BOD1L1: variants seen among roughly 807,000 people sequenced by gnomAD.
BOD1L1 encodes biorientation of chromosomes in cell division 1 like 1.
Under a neutral mutation model 240.7 loss-of-function variants are expected in BOD1L1, and 86 were observed. The ratio of observed to expected loss-of-function variants is 0.36; its 90% CI spans 0.30 to 0.43. The LOEUF is 0.43. Ranked by LOEUF, BOD1L1 falls within the 20% of genes least tolerant of loss-of-function variation. The pLI is 1.00. For synonymous variants in BOD1L1, 1,268 were observed against 1,272.3 expected, an observed-to-expected ratio of 1.00 and a Z score of 0.07; for missense variants, 3,554 against 3,643.5, an observed-to-expected ratio of 0.98 and a Z score of 0.63.
At chr4:13,615,780 C>A (rs1025905547) in intron 2 of BOD1L1, among the ~76,000 whole-genome samples, 7 of 152,140 alleles carry the variant, frequency 4.6e-5, no homozygotes, top group African/African-American at 7.2e-5. Context: ...GAACTAGACA[C>A]AGTACACTGC....
Position 13,601,995 on chromosome 4 carries a change from T to C in BOD1L1, c.4905A>G (p.Ala1635=), listed in dbSNP as rs771517364. 2.5e-6 allele frequency: 4 copies of C among 1,613,932 alleles called. No homozygotes were observed. The highest frequency in any genetic ancestry group is 3.4e-6 in the Non-Finnish European group (4 of 1,179,908). ...DRAADLLAVH[A]VKIEANVNSV... ...TATTTACATTGGCTTCGATTTTAAC[T>C]GCATGCACAGCCAGTAGGTCTGCTG... Residue 1635 remains alanine, a synonymous_variant, in exon 10 of 26, where the codon GCA becomes GCG. Coordinates refer to ENST00000040738, the MANE Select transcript of BOD1L1 (RefSeq NM_148894.3).
In BOD1L1 at chr4:13,599,001, A is replaced by C; in HGVS notation, c.7899T>G (p.Pro2633=). Residue 2633 remains proline, a synonymous_variant, in exon 10 of 26, where the codon CCT becomes CCG. Coordinates refer to ENST00000040738, the MANE Select transcript of BOD1L1 (RefSeq NM_148894.3). ...GDDNSTRKSF[P]EEGDIMVTVS... is the part of the protein sequence containing the mutation. ...CAGTAACCATTATGTCTCCTTCCTC[A>C]GGGAATGATTTCCTTGTGCTGTTAT... 1.2e-6 allele frequency: 2 copies of C among 1,613,730 alleles called. No homozygotes were observed. Among genetic ancestry groups the C allele is most frequent in the South Asian group, 2.2e-5 (2 of 91,070 alleles).
At chr4:13,619,080 TC>T (rs1170813851) in intron 2 of BOD1L1, among the ~76,000 whole-genome samples, 1 of 152,026 alleles carries the variant, frequency 6.6e-6, no homozygotes, top group Non-Finnish European at 1.5e-5. Flanking sequence ...CCCAGCACTT[TC>T]AGAAGCCAAG....
Position 13,599,705 on chromosome 4 carries a change from C to T in BOD1L1, c.7195G>A (p.Val2399Met), listed in dbSNP as rs148409239. ...CCCTCCTCGGTGCTCACTGCCAACACGGGACCCGGTTCTTTGCCTCCCCTG... is the reference window on the plus strand; with the variant it reads ...CCCTCCTCGGTGCTCACTGCCAACATGGGACCCGGTTCTTTGCCTCCCCTG... ...PVRGGKEPGP[V>M]LAVSTEEGHN... Residue 2399 changes from valine (V) to methionine (M), a missense_variant, in exon 10 of 26, where the codon GTG becomes ATG. Val to Met is a conservative substitution (Grantham distance 21, BLOSUM62 1). Transcript: ENST00000040738. 259 of 1,613,774 alleles carry T rather than the reference C, an allele frequency of 1.6e-4. 1 individual carries two copies. In the African/African-American group the frequency reaches 1.7e-3, roughly 10 times the overall value.
At position 13,627,453 on chromosome 4, in the gene BOD1L1, A is replaced by G. The variant is rs757197156; in HGVS notation, c.135T>C (p.Gly45=). The G allele has an allele frequency of 8.4e-7, 1 of 1,192,650 alleles. No individual in the cohort carries two copies. The highest frequency in any genetic ancestry group is 1.0e-6 in the Non-Finnish European group (1 of 953,106). The allele number at this position is 1,192,650 out of a possible 1,614,324, so 73.9% of individuals were successfully genotyped here. A position where few individuals can be genotyped will look rare whatever the true frequency, so the allele number is the denominator to read the frequency against. Residue 45 remains glycine (G), a synonymous_variant, in exon 1 of 26, where the codon GGT becomes GGC. Transcript: ENST00000040738. ...CGAGCTGCGGGTCCCCGGCGCCCGCACCCGCGCCGCCCGCCCCGCCCGCGC... is the reference window on the plus strand; with the variant it reads ...CGAGCTGCGGGTCCCCGGCGCCCGCGCCCGCGCCGCCCGCCCCGCCCGCGC... ...GPGAGGAGGA[G]AGAGDPQLVA... is the part of the protein sequence containing the mutation.
chr4:13,611,660 A>C (rs1233435048), intron 5 of BOD1L1, among the ~76,000 whole-genome samples: 5 of 152,248 alleles, frequency 3.3e-5, no homozygotes, highest in African/African-American at 7.2e-5. Flanking sequence ...CACTGGAGCT[A>C]TCTCTCAGCC....
intron 13 of BOD1L1, 32 bp downstream of exon 13, chr4:13,591,890 AC>A (rs755602579): frequency 6.7e-7 from 1 of 1,500,098 alleles, no homozygotes; most frequent in South Asian, 1.3e-5. Flanking sequence ...AAACCCAATA[AC>A]CACAAAAATC....
Position 13,604,470 on chromosome 4 carries a change from A to T in BOD1L1, c.2430T>A (p.Ser810=). Reference sequence around the variant, plus strand: ...TCTCATCTGTTTTTATAATATATTCAGAAACTGGCTTTCCATCTTTGCCTA... The same window carrying T: ...TCTCATCTGTTTTTATAATATATTCTGAAACTGGCTTTCCATCTTTGCCTA... ...SVLGKDGKPV[S]EYIIKTDENV... The change falls in exon 10 of 26, where the codon TCT becomes TCA. Residue 810 remains serine, a synonymous_variant. Coordinates refer to ENST00000040738, the MANE Select transcript of BOD1L1 (RefSeq NM_148894.3). The T allele has an allele frequency of 6.5e-7, 1 of 1,540,392 alleles. No homozygotes were observed. Among genetic ancestry groups the T allele is most frequent in the East Asian group, 2.3e-5 (1 of 43,576 alleles).
intron 17 of BOD1L1, among the ~76,000 whole-genome samples, chr4:13,583,828 A>G (rs1354868471): frequency 6.6e-6 from 1 of 152,196 alleles, no homozygotes; most frequent in African/African-American, 2.4e-5. Context: ...AATTCAATTA[A>G]AACAAGGTAA....
chr4:13,601,605 A>G lies in BOD1L1; in HGVS notation c.5295T>C (p.Asn1765=), dbSNP rs781694874. ...TGGCACTTGTTCCTGGTGGTGCATC[A>G]TTATCTCCCAGGACAACACCTGCAC... ...VTGAGVVLGD[N]DAPPGTSASQ... The change falls in exon 10 of 26, where the codon AAT becomes AAC. Residue 1765 remains asparagine, a synonymous_variant. Coordinates refer to ENST00000040738, the MANE Select transcript of BOD1L1 (RefSeq NM_148894.3). 14 of 1,613,778 alleles carry G rather than the reference A, an allele frequency of 8.7e-6. No individual in the cohort carries two copies. Among genetic ancestry groups the G allele is most frequent in the South Asian group, 7.7e-5 (7 of 91,078 alleles).
chr4:13,599,524 G>C lies in BOD1L1; in HGVS notation c.7376C>G (p.Ala2459Gly), dbSNP rs1714918540. The part of the protein sequence containing the change: ...QKESTLHLIN[A>G]EEKNVLLNSL... ...GTTCAACAATACATTCTTCTCTTCT[G>C]CATTTATGAGGTGTAAAGTGCTCTC... The change falls in exon 10 of 26, where the codon GCA becomes GGA. Residue 2459 changes from alanine to glycine, a missense_variant. Around this residue, in one of 2 missense-constraint regions of BOD1L1, gnomAD observed 3,393 missense variants for 3,427.1 expected, o/e 0.99. Coordinates refer to ENST00000040738, the MANE Select transcript of BOD1L1 (RefSeq NM_148894.3). The C allele has an allele frequency of 6.2e-7, 1 of 1,614,004 alleles. No homozygotes were observed. The highest frequency in any genetic ancestry group is 1.1e-5 in the South Asian group (1 of 91,082).
At chr4:13,586,499 C>T (rs750376059) in intron 16 of BOD1L1, 24 bp from the exon 17 acceptor site, 3 of 1,474,532 alleles carry the variant, frequency 2.0e-6, no homozygotes, top group South Asian at 1.2e-5. Context: ...TAGACAGAAT[C>T]ACAAAGGAAC....
At position 13,599,183 on chromosome 4, in the gene BOD1L1, C is replaced by T; in HGVS notation, c.7717G>A (p.Gly2573Ser). 1 of 1,613,952 alleles carries T rather than the reference C, an allele frequency of 6.2e-7. No individual in the cohort carries two copies. Among genetic ancestry groups the T allele is most frequent in the South Asian group, 1.1e-5 (1 of 91,072 alleles). The change falls in exon 10 of 26, where the codon GGC becomes AGC. Residue 2573 changes from glycine to serine, a missense_variant. This residue lies in a region of BOD1L1 where 3,393 missense variants were observed against 3,427.1 expected (regional missense o/e 0.99). Coordinates refer to ENST00000040738, the MANE Select transcript of BOD1L1 (RefSeq NM_148894.3). ...LKTSTTKCITGQESKIAPSHT... is the reference protein window; with the variant it reads ...LKTSTTKCITSQESKIAPSHT... The stretch of plus-strand genomic sequence containing the variant: ...GAAGGAGCAATTTTTGATTCTTGGC[C>T]AGTAATACATTTGGTGGTACTGGTT...
At position 13,600,548 on chromosome 4, in the gene BOD1L1, G is replaced by A; in HGVS notation, c.6352C>T (p.Pro2118Ser). The A allele has an allele frequency of 6.2e-7, 1 of 1,613,104 alleles. No individual in the cohort carries two copies. Reference protein sequence around the residue: ...TRVTTEEFEAPMPSAVSGDDS... With the variant: ...TRVTTEEFEASMPSAVSGDDS... ...TCTCCTGAGACTGCACTGGGCATGGGGGCCTCAAATTCTTCTGTGGTTACT... is the reference window on the plus strand; with the variant it reads ...TCTCCTGAGACTGCACTGGGCATGGAGGCCTCAAATTCTTCTGTGGTTACT... Residue 2118 changes from proline (P) to serine (S), a missense_variant, in exon 10 of 26, where the codon CCC becomes TCC. By Grantham distance (74) the Pro-to-Ser change is moderately conservative. Around this residue, in one of 2 missense-constraint regions of BOD1L1, gnomAD observed 3,393 missense variants for 3,427.1 expected, o/e 0.99. Coordinates refer to ENST00000040738, the MANE Select transcript of BOD1L1 (RefSeq NM_148894.3).
chr4:13,577,364 G>C (rs756825942), intron 24 of BOD1L1, 39 bp downstream of exon 24: 10 of 1,573,638 alleles, frequency 6.4e-6, no homozygotes, highest in Non-Finnish European at 8.7e-6. Flanking sequence ...AGGTGGTTTT[G>C]AAACAATAAG....
At chr4:13,598,913 T>C (rs569169357) in intron 10 of BOD1L1, 33 bp downstream of exon 10, 1 of 1,554,814 alleles carries the variant, frequency 6.4e-7, no homozygotes, top group Admixed American at 1.8e-5. Context: ...TCCTTGTAAA[T>C]ATTAAAATTT....
intron 13 of BOD1L1, among the ~76,000 whole-genome samples, chr4:13,591,088 A>T (rs1714170053): frequency 6.6e-6 from 1 of 151,862 alleles, no homozygotes; most frequent in Non-Finnish European, 1.5e-5. Context: ...TTTTTTTTTT[A>T]AATAAAAAAT....
intron 5 of BOD1L1, 118 bp from the exon 6 acceptor site, chr4:13,611,218 T>C: frequency 7.8e-6 from 5 of 638,988 alleles, no homozygotes; most frequent in Non-Finnish European, 1.3e-5. Flanking sequence ...AATATCAGGA[T>C]GTGAAGATTT....
At chr4:13,573,045 T>C in intron 25 of BOD1L1, among the ~76,000 whole-genome samples, 1 of 152,190 alleles carries the variant, frequency 6.6e-6, no homozygotes, top group Non-Finnish European at 1.5e-5. Context: ...ACACTATCTT[T>C]GTTCTTACTG....
Sources: allele counts gnomAD v4.1 joint callset (sites outside exome capture counted in the v4.1 genomes callset), GRCh38; gene constraint gnomAD v4.1.1; regional missense constraint gnomAD v4.1.1; transcripts MANE v1.5; gene names NCBI Gene and HGNC (gene_info 2026-07-23, HGNC 2026-07-21).